The following FKBP1A variants were observed in gnomAD, a reference collection of about 807,000 sequenced individuals.
FKBP1A encodes peptidyl-prolyl cis-trans isomerase FKBP1A.
A neutral mutation model predicts 14.2 loss-of-function variants in FKBP1A; 5 were observed. That is an observed-to-expected ratio of 0.35 (90% CI 0.18 to 0.74). The LOEUF is 0.74. Among genes scored for constraint, FKBP1A ranks in the 30% least tolerant of loss-of-function variants. The probability of loss-of-function intolerance (pLI) is 0.56; values close to 1 mark genes in which losing one functional copy is unlikely to be tolerated. For synonymous variants in FKBP1A, 42 were observed against 49.1 expected (o/e 0.86, Z 0.60); for missense variants, 53 against 138.8 (o/e 0.38, Z 3.10).
chr20:1,391,517 C>G (rs1977775863), intron 2 of FKBP1A: 1 of 395,250 alleles, frequency 2.5e-6, no homozygotes. Flanking sequence ...AAGTTCTAGT[C>G]CTTAACTTCT....
intron 2 of FKBP1A, among the ~76,000 whole-genome samples, chr20:1,385,819 G>C (rs1379019830): frequency 6.6e-6 from 1 of 152,160 alleles, no homozygotes; most frequent in East Asian, 1.9e-4. Context: ...TGTTCTCTCT[G>C]CCTAAAATGA....
At chr20:1,370,362 T>C in intron 4 of FKBP1A, 1 of 985,406 alleles carries the variant, frequency 1.0e-6, no homozygotes, top group Non-Finnish European at 1.2e-6. Flanking sequence ...ACAATACAGT[T>C]CCCCACTATC....
Position 1,370,953 on chromosome 20 carries a change from C to T in FKBP1A, c.*37-881G>A, listed in dbSNP as rs559866903. 3.1e-5 allele frequency: 31 copies of T among 985,498 alleles called. No homozygotes were observed. In the Admixed American group the frequency reaches 1.6e-3, roughly 51 times the overall value. 61.0% of individuals were successfully genotyped at this position (985,498 alleles called of 1,614,324 possible). On this transcript the variant is annotated intron_variant, in intron 4 of 4. Transcript: ENST00000400137. ...ACAGGTGAAGAAACCAGTTATCAAACTTAACCAGGCCTGTATTACCAAGGT... is the reference window on the plus strand; with the variant it reads ...ACAGGTGAAGAAACCAGTTATCAAATTTAACCAGGCCTGTATTACCAAGGT...
intron 4 of FKBP1A, 33 bp from the exon 5 acceptor site, chr20:1,370,105 C>T: frequency 6.5e-7 from 1 of 1,543,046 alleles, no homozygotes. Flanking sequence ...GAGTTTCCAG[C>T]AACTCAGTGT....
intron 2 of FKBP1A, among the ~76,000 whole-genome samples, chr20:1,383,143 C>G (rs2089634444): frequency 6.6e-6 from 1 of 152,162 alleles, no homozygotes; most frequent in Admixed American, 6.5e-5. Flanking sequence ...ACTTCCAAGG[C>G]ACTCTGCTTT....
chr20:1,380,724 A>G (rs954999193), intron 2 of FKBP1A, among the ~76,000 whole-genome samples: 6 of 152,214 alleles, frequency 3.9e-5, no homozygotes, highest in African/African-American at 1.4e-4. Flanking sequence ...TCTGGCATCC[A>G]AAGATTACCA....
At chr20:1,371,998 C>T in intron 4 of FKBP1A, 78 bp downstream of exon 4, 2 of 1,540,476 alleles carry the variant, frequency 1.3e-6, no homozygotes, top group Admixed American at 2.1e-5. Context: ...TTTGTTCTCT[C>T]TGCTACCCAT....
intron 2 of FKBP1A, among the ~76,000 whole-genome samples, chr20:1,383,421 C>G (rs1203686583): frequency 6.6e-6 from 1 of 151,896 alleles, no homozygotes; most frequent in South Asian, 2.1e-4. Flanking sequence ...AAGCCCCAAA[C>G]CTTCAAAATA....
intron 3 of FKBP1A, chr20:1,373,068 A>T (rs2089490424): frequency 6.6e-6 from 1 of 152,136 alleles, no homozygotes; most frequent in Admixed American, 6.5e-5. Context: ...CGACTTTCCA[A>T]CTCCACCAGA....
chr20:1,385,372 A>G, intron 2 of FKBP1A, among the ~76,000 whole-genome samples: 1 of 152,218 alleles, frequency 6.6e-6, no homozygotes, highest in East Asian at 1.9e-4. Context: ...CCTGGGCGAC[A>G]GAGTGAGACT....
At chr20:1,392,399 G>A (rs1568594669) in intron 2 of FKBP1A, among the ~76,000 whole-genome samples, 2 of 152,172 alleles carry the variant, frequency 1.3e-5, no homozygotes, top group South Asian at 4.1e-4. Flanking sequence ...TGAAGGGAGG[G>A]ATGGAAGTGG....
At chr20:1,385,195 G>C (rs2089656701) in intron 2 of FKBP1A, among the ~76,000 whole-genome samples, 2 of 152,086 alleles carry the variant, frequency 1.3e-5, no homozygotes, top group Admixed American at 1.3e-4. Context: ...TTTGAGACCA[G>C]CCTGGGCAAC....
intron 4 of FKBP1A, chr20:1,370,703 G>A (rs2089452570): frequency 1.2e-5 from 12 of 985,260 alleles, no homozygotes; most frequent in Non-Finnish European, 1.4e-5. Context: ...GGGTTACTCG[G>A]GGTGACTTGT....
At chr20:1,375,417 A>G in intron 3 of FKBP1A, 74 bp downstream of exon 3, 2 of 1,093,944 alleles carry the variant, frequency 1.8e-6, no homozygotes, top group Non-Finnish European at 2.8e-6. Context: ...TTTGAACCGT[A>G]TAAATATGCC....
At chr20:1,380,558 C>T (rs1012105843) in intron 2 of FKBP1A, among the ~76,000 whole-genome samples, 1 of 152,064 alleles carries the variant, frequency 6.6e-6, no homozygotes, top group Admixed American at 6.5e-5. Context: ...AATAATCAGC[C>T]CTAAACTGAG....
chr20:1,389,122 T>C (rs561528446), intron 2 of FKBP1A, among the ~76,000 whole-genome samples: 4 of 152,294 alleles, frequency 2.6e-5, no homozygotes, highest in African/African-American at 9.6e-5. Context: ...TCTGCTTTAA[T>C]CTCTCCAGCG....
At chr20:1,370,331 G>A (rs1317624946) in intron 4 of FKBP1A, 2 of 985,318 alleles carry the variant, frequency 2.0e-6, no homozygotes, top group Non-Finnish European at 2.4e-6. Context: ...ACAGCAGGAG[G>A]GCTAGCCACC....
intron 2 of FKBP1A, among the ~76,000 whole-genome samples, chr20:1,380,514 C>A (rs1450201018): frequency 6.6e-6 from 1 of 152,170 alleles, no homozygotes; most frequent in Non-Finnish European, 1.5e-5. Context: ...AAGCACTGGG[C>A]AGAATACTCA....
intron 2 of FKBP1A, among the ~76,000 whole-genome samples, chr20:1,383,308 G>A (rs995743087): frequency 1.3e-5 from 2 of 151,334 alleles, no homozygotes; most frequent in African/African-American, 2.4e-5. Context: ...TTTCCTATAG[G>A]CAGCATTTTA....
Sources: gnomAD v4.1 joint callset for allele counts (sites outside exome capture counted in the v4.1 genomes callset) on GRCh38, gnomAD v4.1.1 for gene constraint, MANE v1.5 for transcripts, NCBI Gene and HGNC (gene_info 2026-07-23, HGNC 2026-07-21) for gene names.